TGFBI: variants seen among roughly 807,000 people sequenced by gnomAD.
TGFBI encodes the protein transforming growth factor-beta-induced protein ig-h3.
A neutral mutation model predicts 73.7 loss-of-function variants in TGFBI; 50 were observed. That is an observed-to-expected ratio of 0.68 (90% CI 0.54 to 0.86). The LOEUF is 0.86. Among genes scored for constraint, TGFBI ranks in the 40% least tolerant of loss-of-function variants. The probability of loss-of-function intolerance (pLI) is 0.00; values close to 1 mark genes in which losing one functional copy is unlikely to be tolerated. For synonymous variants in TGFBI, 362 were observed against 360.5 expected (o/e 1.00, Z -0.05); for missense variants, 839 against 877.0 (o/e 0.96, Z 0.55).
In TGFBI at chr5:136,029,012, T is replaced by G. The variant is rs1751054382; in HGVS notation, c.-44T>G. 2.0e-6 allele frequency: 3 copies of G among 1,508,592 alleles called. No homozygotes were observed. Among genetic ancestry groups the G allele is most frequent in the Non-Finnish European group, 2.6e-6 (3 of 1,135,584 alleles). The allele number at this position is 1,508,592 out of a possible 1,614,324, so 93.5% of individuals were successfully genotyped here. ...TCTCACTTCCCTGGAGCCGCCCGCT[T>G]GCCCGTCGGTCGCTAGCTCGCTCGG... On this transcript the variant is annotated 5_prime_UTR_variant, in exon 1 of 17. Coordinates refer to ENST00000442011, the MANE Select transcript of TGFBI (RefSeq NM_000358.3).
chr5:136,043,047 G>A (rs1227935827), intron 2 of TGFBI, among the ~76,000 whole-genome samples: 1 of 152,298 alleles, frequency 6.6e-6, no homozygotes, highest in East Asian at 1.9e-4. Context: ...TAAAGTCTGA[G>A]TCCTTTCCTG....
chr5:136,029,335 A>C, intron 1 of TGFBI, 146 bp downstream of exon 1: 1 of 960,876 alleles, frequency 1.0e-6, no homozygotes, highest in Non-Finnish European at 1.4e-6. Flanking sequence ...CTCGGACACC[A>C]GCCCTGCACG....
Position 136,063,189 on chromosome 5 carries a change from C to T in TGFBI, c.2015C>T (p.Pro672Leu). Residue 672 changes from proline (P) to leucine (L), a missense_variant, in exon 17 of 17, where the codon CCT becomes CTT. By Grantham distance (98) the Pro-to-Leu change is moderately conservative. Transcript: ENST00000442011. Reference protein sequence around the residue: ...RASQRSVRLAPVYQKLLERMK... With the variant: ...RASQRSVRLALVYQKLLERMK... ...GTTACCAACTTCTCTTTTTCAGCCC[C>T]TGTCTATCAAAAGTTATTAGAGAGG... is the stretch of plus-strand genomic sequence containing the variant. The T allele has an allele frequency of 6.2e-7, 1 of 1,613,724 alleles. No individual in the cohort carries two copies. The highest frequency in any genetic ancestry group is 8.5e-7 in the Non-Finnish European group (1 of 1,179,688).
rs7723708 is a variant in TGFBI at position 136,046,149 on chromosome 5, T to C, written c.299-186T>C. On this transcript the variant is annotated intron_variant, in intron 3 of 16. Coordinates refer to ENST00000442011, the MANE Select transcript of TGFBI (RefSeq NM_000358.3). Reference sequence around the variant, plus strand: ...TTCACGTAGACAGGCATTTGACTTATTGAGTTGTTTTAAGAAGACTATAAC... The same window carrying C: ...TTCACGTAGACAGGCATTTGACTTACTGAGTTGTTTTAAGAAGACTATAAC... 950 of 560,934 alleles carry C rather than the reference T, an allele frequency of 1.7e-3. 4 individuals carry two copies. Among genetic ancestry groups the C allele is most frequent in the African/African-American group, 9.7e-3 (516 of 53,464 alleles). The allele number at this position is 560,934 out of a possible 1,614,324, so 34.7% of individuals were successfully genotyped here.
intron 2 of TGFBI, among the ~76,000 whole-genome samples, chr5:136,040,583 G>A (rs531161749): frequency 1.3e-4 from 20 of 152,208 alleles, no homozygotes; most frequent in Non-Finnish European, 2.5e-4. Context: ...TGTCTACCAC[G>A]AAACTGATCC....
At chr5:136,054,392 T>A (rs1167834245) in intron 9 of TGFBI, among the ~76,000 whole-genome samples, 1 of 152,158 alleles carries the variant, frequency 6.6e-6, no homozygotes, top group Non-Finnish European at 1.5e-5. Flanking sequence ...ATTTGCAGGG[T>A]CACTTGCCAA....
At chr5:136,053,686 G>A (rs1751577013) in intron 8 of TGFBI, among the ~76,000 whole-genome samples, 1 of 152,200 alleles carries the variant, frequency 6.6e-6, no homozygotes, top group Admixed American at 6.5e-5. Context: ...CCCTGACCAA[G>A]CAGCCCACAG....
Position 136,059,009 on chromosome 5 carries a change from ATCT to A in TGFBI, c.1679-77_1679-75del, listed in dbSNP as rs1226905424. 14 of 1,523,228 alleles carry A rather than the reference ATCT, an allele frequency of 9.2e-6. No homozygotes were observed. The South Asian group carries it at 1.1e-4, about 12-fold the overall frequency. The allele number at this position is 1,523,228 out of a possible 1,614,324, so 94.4% of individuals were successfully genotyped here. On this transcript the variant is annotated intron_variant, in intron 12 of 16. Transcript: ENST00000442011. ...CTTCATTTCAGGGGTGACCACTTAC[ATCT>A]TCTCCTCTGGGCCCTCCTTGACCAG...
chr5:136,056,506 G>A (rs1751634039), intron 11 of TGFBI, 159 bp from the exon 12 acceptor site: 1 of 817,744 alleles, frequency 1.2e-6, no homozygotes, highest in South Asian at 1.8e-5. Flanking sequence ...CCCTCTTTGT[G>A]CATACGGAGG....
chr5:136,046,526 C>T, intron 4 of TGFBI, 31 bp downstream of exon 4: 1 of 1,572,138 alleles, frequency 6.4e-7, no homozygotes, highest in South Asian at 1.2e-5. Context: ...CCGGGGGACT[C>T]TTATGGGGAA....
In TGFBI at chr5:136,047,348, T is replaced by C; in HGVS notation, c.699T>C (p.Asp233=). Residue 233 remains aspartate, a synonymous_variant, in exon 6 of 17, where the codon GAT becomes GAC. Transcript: ENST00000442011. ...HATNGVVHLI[D]KVISTITNNI... is the part of the protein sequence containing the mutation. ...CCAACGGGGTGGTGCACCTCATCGA[T>C]AAGGTCATCTCCACCATCACCAACA... 1.2e-6 allele frequency: 2 copies of C among 1,613,866 alleles called. No individual in the cohort carries two copies. Among genetic ancestry groups the C allele is most frequent in the Non-Finnish European group, 1.7e-6 (2 of 1,179,850 alleles).
At chr5:136,059,327 ATC>A in intron 13 of TGFBI, 113 bp downstream of exon 13, 1 of 1,425,750 alleles carries the variant, frequency 7.0e-7, no homozygotes, top group South Asian at 1.4e-5. Context: ...TGCAGCCCGA[ATC>A]TCTGAGTGTA....
At chr5:136,060,705 C>T (rs1344969168) in intron 13 of TGFBI, 129 bp from the exon 14 acceptor site, 1 of 630,326 alleles carries the variant, frequency 1.6e-6, no homozygotes, top group Non-Finnish European at 2.6e-6. Flanking sequence ...ATTGAAACTC[C>T]ATCTCAAAAA....
Position 136,055,804 on chromosome 5 carries a change from A to ACAATCGCTTTAGGTAATTAGTTCCATCC in TGFBI, c.1537_1547+17dup. 1 of 1,608,644 alleles carries ACAATCGCTTTAGGTAATTAGTTCCATCC rather than the reference A, an allele frequency of 6.2e-7. No homozygotes were observed. The highest frequency in any genetic ancestry group is 2.2e-5 in the East Asian group (1 of 44,682). On this transcript the variant is annotated stop_gained and frameshift_variant, in exon 11 of 17. Transcript: ENST00000442011. LOFTEE classifies it high-confidence loss of function. ...ACTGTCATGGATGTCCTGAAGGGAG[A>ACAATCGCTTTAGGTAATTAGTTCCATCC]CAATCGCTTTAGGTAATTAGTTCCA... is the stretch of plus-strand genomic sequence containing the variant.
chr5:136,042,205 A>C (rs1259536899), intron 2 of TGFBI, among the ~76,000 whole-genome samples: 2 of 152,242 alleles, frequency 1.3e-5, no homozygotes, highest in African/African-American at 4.8e-5. Context: ...CTATGGGTTC[A>C]AGGCTTGGAG....
At chr5:136,042,692 A>G (rs747777880) in intron 2 of TGFBI, among the ~76,000 whole-genome samples, 1 of 152,132 alleles carries the variant, frequency 6.6e-6, no homozygotes, top group African/African-American at 2.4e-5. Context: ...AAGAATGTGC[A>G]TAGCTTGTCA....
chr5:136,062,804 C>G (rs1751774633), intron 16 of TGFBI, 117 bp downstream of exon 16: 1 of 1,190,918 alleles, frequency 8.4e-7, no homozygotes, highest in Non-Finnish European at 1.2e-6. Context: ...GTAAAAGAAG[C>G]CTGGCCTTTG....
chr5:136,041,166 G>T (rs1052397431), intron 2 of TGFBI, among the ~76,000 whole-genome samples: 7 of 152,230 alleles, frequency 4.6e-5, no homozygotes, highest in African/African-American at 1.7e-4. Context: ...TGAAGGCGTG[G>T]CTAACCCCTG....
rs1277615768 is a variant in TGFBI, at chr5:136,063,359, T to C, written c.*133T>C. ...GTACATGGGCCGCACCATAATGAGATGTGAGCCTTGTGCATGTGGGGGAGG... is the reference window on the plus strand; with the variant it reads ...GTACATGGGCCGCACCATAATGAGACGTGAGCCTTGTGCATGTGGGGGAGG... On this transcript the variant is annotated 3_prime_UTR_variant, in exon 17 of 17. Transcript: ENST00000442011. 7 of 773,146 alleles carry C rather than the reference T, an allele frequency of 9.1e-6. No individual in the cohort carries two copies. In the East Asian group the frequency reaches 1.6e-4, roughly 18 times the overall value. 47.9% of individuals were successfully genotyped at this position (773,146 alleles called of 1,614,324 possible).
Sources: allele counts gnomAD v4.1 joint callset (sites outside exome capture counted in the v4.1 genomes callset), GRCh38; gene constraint gnomAD v4.1.1; transcripts MANE v1.5; gene names NCBI Gene and HGNC (gene_info 2026-07-23, HGNC 2026-07-21).